Variants in MACF1 observed in about 807,000 individuals in gnomAD.
MACF1 encodes microtubule-actin cross-linking factor 1.
MACF1 carries 193 observed loss-of-function variants against 854.8 expected under a neutral mutation model. The ratio of observed to expected loss-of-function variants is 0.23; its 90% CI spans 0.20 to 0.25. The LOEUF (loss-of-function observed/expected upper bound fraction) is 0.25, where lower values mean the gene tolerates loss of function less well. MACF1 is among the 10% of genes least tolerant of loss of function. The pLI, the probability that MACF1 is intolerant of heterozygous loss-of-function variation, is 1.00. For synonymous variants in MACF1, 3,185 were observed against 3,226.7 expected (o/e 0.99, Z 0.44); for missense variants, 7,722 against 8,929.1 (o/e 0.86, Z 5.45).
chr1:39,099,796 TGAAA>T (rs1642022010), intron 2 of MACF1, among the ~76,000 whole-genome samples: 1 of 152,148 alleles, frequency 6.6e-6, no homozygotes. Context: ...TGAAGAAAGA[TGAAA>T]TAGATGTCTT....
chr1:39,115,411 G>A, intron 2 of MACF1, among the ~76,000 whole-genome samples: 1 of 152,132 alleles, frequency 6.6e-6, no homozygotes, highest in African/African-American at 2.4e-5. Context: ...AACCTAGGAT[G>A]ACTTGGAGGT....
At chr1:39,406,497 G>A (rs1032535704) in intron 58 of MACF1, among the ~76,000 whole-genome samples, 1 of 151,700 alleles carries the variant, frequency 6.6e-6, no homozygotes, top group African/African-American at 2.4e-5. Context: ...CCAGCACTTT[G>A]GGAGGCTGAG....
Position 39,380,280 on chromosome 1 carries a change from A to C in MACF1, c.13555A>C (p.Ile4519Leu), listed in dbSNP as rs1003178075. The change falls in exon 55 of 101, where the codon ATT (isoleucine) becomes CTT (leucine). Residue 4519 changes from isoleucine (I) to leucine (L), a missense_variant. Coordinates refer to ENST00000564288, the MANE Select transcript of MACF1 (RefSeq NM_001394062.1). ...LAELEQNSPKIQKVKEALAGL... is the reference protein window; with the variant it reads ...LAELEQNSPKLQKVKEALAGL... ...TGAGTTGGAACAGAATTCTCCAAAA[A>C]TTCAAAAAGTAAAGGAAGCCCTGGC... 6.2e-7 allele frequency: 1 copy of C among 1,613,576 alleles called. No individual in the cohort carries two copies. Among genetic ancestry groups the C allele is most frequent in the Admixed American group, 1.7e-5 (1 of 59,914 alleles).
chr1:39,403,929 A>G (rs936182084), intron 58 of MACF1, among the ~76,000 whole-genome samples: 1 of 151,980 alleles, frequency 6.6e-6, no homozygotes, highest in Middle Eastern at 3.4e-3. Flanking sequence ...AGGAGTTCGA[A>G]ACCAGCCTGG....
At position 39,452,261 on chromosome 1, in the gene MACF1, G is replaced by A; in HGVS notation, c.20524G>A (p.Gly6842Arg). The A allele has an allele frequency of 6.2e-7, 1 of 1,614,192 alleles. No individual in the cohort carries two copies. Among genetic ancestry groups the A allele is most frequent in the Non-Finnish European group, 8.5e-7 (1 of 1,180,040 alleles). The change falls in exon 86 of 101, where the codon GGA becomes AGA. Residue 6842 changes from glycine to arginine, a missense_variant. By Grantham distance (125) the Gly-to-Arg change is moderately radical. Transcript: ENST00000564288. ...TCGAGATGACACCACTTGGGTAAAA[G>A]GACAGCTCCAGGAACTGAGCACTCG... Reference protein sequence around the residue: ...NSRDDTTWVKGQLQELSTRWD... With the variant: ...NSRDDTTWVKRQLQELSTRWD...
Position 39,295,055 on chromosome 1 carries a change from A to G in MACF1, c.2164A>G (p.Met722Val), listed in dbSNP as rs765559112. The G allele has an allele frequency of 3.7e-6, 6 of 1,613,474 alleles. No homozygotes were observed. Among genetic ancestry groups the G allele is most frequent in the African/African-American group, 2.7e-5 (2 of 74,902 alleles). ...TGAATTCCATTTTCAGGAGTTGACA[A>G]TGGAACTGGAGGAGAAACAGGATGT... ...AKRNYFSELT[M>V]ELEEKQDVFR... Residue 722 changes from methionine (M) to valine (V), a missense_variant, in exon 19 of 101, where the codon ATG becomes GTG. Coordinates refer to ENST00000564288, the MANE Select transcript of MACF1 (RefSeq NM_001394062.1).
At chr1:39,447,617 T>C in intron 81 of MACF1, 30 bp downstream of exon 81, 1 of 1,613,580 alleles carries the variant, frequency 6.2e-7, no homozygotes, top group South Asian at 1.1e-5. Flanking sequence ...GCTGCATTCT[T>C]TTTGAAAGCA....
In MACF1 at chr1:39,460,875, A is replaced by G. The variant is rs966561949; in HGVS notation, c.21523+81A>G. ...AGAAGCTGTGATATTCTAGCTAAACAGTCTTTCTGAAGCTGGCCAGGAGCT... is the reference window on the plus strand; with the variant it reads ...AGAAGCTGTGATATTCTAGCTAAACGGTCTTTCTGAAGCTGGCCAGGAGCT... On this transcript the variant is annotated intron_variant, in intron 92 of 100. Transcript: ENST00000564288. This position sits in a 1 kb window ranked among gnomAD's most constrained non-coding sequence, Gnocchi z 4.1. The G allele has an allele frequency of 2.2e-5, 33 of 1,518,820 alleles. No homozygotes were observed. Among genetic ancestry groups the G allele is most frequent in the Non-Finnish European group, 2.9e-5 (32 of 1,102,470 alleles). The allele number at this position is 1,518,820 out of a possible 1,614,324, so 94.1% of individuals were successfully genotyped here. A position where few individuals can be genotyped will look rare whatever the true frequency, so the allele number is the denominator to read the frequency against.
intron 1 of MACF1, among the ~76,000 whole-genome samples, chr1:39,210,379 TAA>T (rs1024948276): frequency 6.8e-6 from 1 of 145,998 alleles, no homozygotes; most frequent in Non-Finnish European, 1.5e-5. Flanking sequence ...TTCCTTTTTT[TAA>T]AAAAAAAAAA....
intron 66 of MACF1, among the ~76,000 whole-genome samples, chr1:39,431,952 G>A (rs1471303821): frequency 1.3e-5 from 2 of 152,322 alleles, no homozygotes; most frequent in Non-Finnish European, 2.9e-5. Flanking sequence ...CTCCAGCCTG[G>A]GCAACAGAAT....
chr1:39,213,821 A>C (rs1022223495), intron 1 of MACF1, among the ~76,000 whole-genome samples: 3 of 152,204 alleles, frequency 2.0e-5, no homozygotes, highest in African/African-American at 7.2e-5. Flanking sequence ...AACTGAGTAC[A>C]GTTGTCACAG....
intron 47 of MACF1, among the ~76,000 whole-genome samples, chr1:39,360,012 A>AATAT (rs1188839648): frequency 0.017 from 483 of 28,568 alleles, 6 homozygotes; most frequent in Non-Finnish European, 0.022. Context: ...AAAAAAAAAA[A>AATAT]ATATATATAT....
rs187714184 is a variant in MACF1, at chr1:39,089,374, A to G, written c.220+4936A>G. 7.2e-5 allele frequency among the ~76,000 whole-genome samples: 11 copies of G among 152,318 alleles called. No individual in the cohort carries two copies. In the East Asian group the frequency reaches 2.1e-3, roughly 29 times the overall value. ...TGTGCCAGTAGAAAGCATCTATGGG[A>G]TTCATTCCTAGGAGTATCAGCAAAT... On this transcript the variant is annotated intron_variant, in intron 2 of 93. Transcript: ENST00000361689.
chr1:39,379,118 G>C, intron 53 of MACF1, 85 bp from the exon 54 acceptor site: 1 of 1,349,320 alleles, frequency 7.4e-7, no homozygotes, highest in Non-Finnish European at 1.0e-6. Context: ...AGGAGTAAGA[G>C]AGATGCAAGT....
chr1:39,266,183 CTATTTCTCTTGCCTCTAAGTT>C (rs1019482612), intron 6 of MACF1, among the ~76,000 whole-genome samples: 8 of 152,170 alleles, frequency 5.3e-5, no homozygotes, highest in Non-Finnish European at 5.9e-5. Flanking sequence ...TATTAAGCAG[CTATTTCTCTTGCCTCTAAGTT>C]TATTAGTTTC....
Position 39,430,849 on chromosome 1 carries a change from A to G in MACF1, c.17278A>G (p.Ser5760Gly), listed in dbSNP as rs1265005794. ...SDANEQYKLV[S>G]DTIGQRVDEI... ...TGCTAACGAGCAGTACAAACTAGTC[A>G]GTGACACTATTGGACAAAGGGTGGA... is the stretch of plus-strand genomic sequence containing the variant. Residue 5760 changes from serine to glycine, a missense_variant, in exon 66 of 101, where the codon AGT (serine) becomes GGT (glycine). Coordinates refer to ENST00000564288, the MANE Select transcript of MACF1 (RefSeq NM_001394062.1). 3 of 1,612,678 alleles carry G rather than the reference A, an allele frequency of 1.9e-6. No individual in the cohort carries two copies. The Admixed American group carries it at 5.0e-5, about 27-fold the overall frequency.
chr1:39,119,144 C>A (rs60146137), intron 2 of MACF1, among the ~76,000 whole-genome samples: 125 of 152,104 alleles, frequency 8.2e-4, no homozygotes, highest in African/African-American at 2.7e-3. Flanking sequence ...CATGGAGAAA[C>A]CCCGTCTGTA....
chr1:39,452,250 C>T lies in MACF1; in HGVS notation c.20513C>T (p.Thr6838Ile), dbSNP rs1282630644. Residue 6838 changes from threonine (T) to isoleucine (I), a missense_variant, in exon 86 of 101, where the codon ACT becomes ATT. Coordinates refer to ENST00000564288, the MANE Select transcript of MACF1 (RefSeq NM_001394062.1). ...ATTGAGAATAGTCGAGATGACACCACTTGGGTAAAAGGACAGCTCCAGGAA... is the reference window on the plus strand; with the variant it reads ...ATTGAGAATAGTCGAGATGACACCATTTGGGTAAAAGGACAGCTCCAGGAA... ...ELIENSRDDTTWVKGQLQELS... is the reference protein window; with the variant it reads ...ELIENSRDDTIWVKGQLQELS... 6.2e-7 allele frequency: 1 copy of T among 1,614,186 alleles called. No homozygotes were observed. Among genetic ancestry groups the T allele is most frequent in the Non-Finnish European group, 8.5e-7 (1 of 1,180,022 alleles).
At chr1:39,141,314 A>G (rs1230322275) in intron 2 of MACF1, among the ~76,000 whole-genome samples, 6 of 152,268 alleles carry the variant, frequency 3.9e-5, no homozygotes, top group Middle Eastern at 3.4e-3. Flanking sequence ...TCCCATCCTC[A>G]GTTCTGATTC....
Sources: gnomAD v4.1 joint callset for allele counts (sites outside exome capture counted in the v4.1 genomes callset) on GRCh38, gnomAD v4.1.1 for gene constraint, Gnocchi (gnomAD v3.1) non-coding constraint, MANE v1.5 for transcripts, NCBI Gene and HGNC (gene_info 2026-07-23, HGNC 2026-07-21) for gene names.